The following FRMPD4 variants were observed in gnomAD, a reference collection of about 807,000 sequenced individuals.
The protein encoded by FRMPD4 is FERM and PDZ domain-containing protein 4.
Under a neutral mutation model 94.1 loss-of-function variants are expected in FRMPD4, and 22 were observed. The observed-to-expected ratio is 0.23, with a 90% CI of 0.17 to 0.33. The LOEUF is 0.33. Ranked by LOEUF, FRMPD4 falls within the 10% of genes least tolerant of loss-of-function variation. The pLI is 1.00. For missense variants in FRMPD4, 1,111 were observed against 1,339.9 expected (o/e 0.83, Z 2.67); for synonymous variants, 631 against 548.6 (o/e 1.15, Z -2.10).
At chrX:11,962,507 A>G (rs188716070) in intron 3 of FRMPD4, among the ~76,000 whole-genome samples, 3 of 111,994 alleles carry the variant, frequency 2.7e-5, no homozygotes, top group African/African-American at 6.5e-5. Context: ...AGAGAAACGC[A>G]TGCATTCAAA....
intron 3 of FRMPD4, among the ~76,000 whole-genome samples, chrX:12,043,984 A>C (rs1347013931): frequency 9.0e-6 from 1 of 111,586 alleles, no homozygotes; most frequent in African/African-American, 3.3e-5. Context: ...TTATATAACT[A>C]ACAGGAAAAT....
intron 1 of FRMPD4, among the ~76,000 whole-genome samples, chrX:11,836,513 G>A: frequency 8.9e-6 from 1 of 111,905 alleles, no homozygotes; most frequent in East Asian, 2.8e-4. Flanking sequence ...TACTCTGAAT[G>A]TGAGGAAGTT....
intron 3 of FRMPD4, among the ~76,000 whole-genome samples, chrX:11,879,286 G>A (rs761610870): frequency 9.8e-4 from 109 of 111,561 alleles, no homozygotes; most frequent in Non-Finnish European, 1.6e-3. Context: ...TGAAATGATT[G>A]AATGTTTGGG....
chrX:12,598,059 T>TAAGTA (rs3066499), intron 2 of FRMPD4, among the ~76,000 whole-genome samples: 13,828 of 111,797 alleles, frequency 0.12, 915 homozygotes, highest in African/African-American at 0.24. Context: ...GGTGTATATA[T>TAAGTA]TAGTTGGTAT....
chrX:12,097,310 G>A (rs1011685661), intron 3 of FRMPD4, among the ~76,000 whole-genome samples: 1 of 111,992 alleles, frequency 8.9e-6, no homozygotes, highest in South Asian at 3.8e-4. Context: ...GCCAGTGAAA[G>A]TTCACAGATT....
intron 1 of FRMPD4, among the ~76,000 whole-genome samples, chrX:12,241,857 C>T (rs1396979746): frequency 9.2e-6 from 1 of 108,547 alleles, no homozygotes; most frequent in Non-Finnish European, 1.9e-5. Context: ...GCTATGATCG[C>T]ACCACTGCAC....
chrX:12,518,838 C>G (rs2058131277), intron 2 of FRMPD4, among the ~76,000 whole-genome samples: 1 of 112,257 alleles, frequency 8.9e-6, no homozygotes, highest in South Asian at 3.7e-4. Flanking sequence ...CACACACACA[C>G]ACACACACAA....
chrX:12,033,982 C>T (rs2054706530), intron 3 of FRMPD4, among the ~76,000 whole-genome samples: 1 of 112,803 alleles, frequency 8.9e-6, no homozygotes, highest in East Asian at 2.8e-4. Context: ...CAGGCGTAAG[C>T]CACGGCGCCT....
At chrX:12,315,580 G>A (rs1046278024) in intron 1 of FRMPD4, among the ~76,000 whole-genome samples, 6 of 111,645 alleles carry the variant, frequency 5.4e-5, no homozygotes, top group African/African-American at 1.6e-4. Flanking sequence ...AAGGAGAAAC[G>A]TGGATAAAAA....
chrX:12,628,668 C>G (rs1014775094), intron 4 of FRMPD4, among the ~76,000 whole-genome samples: 1 of 112,753 alleles, frequency 8.9e-6, no homozygotes, highest in Non-Finnish European at 1.9e-5. Flanking sequence ...TCTGAAAAGA[C>G]AGGGAGCATG....
intron 1 of FRMPD4, among the ~76,000 whole-genome samples, chrX:12,249,965 G>A (rs986975036): frequency 1.8e-5 from 2 of 109,507 alleles, no homozygotes; most frequent in Non-Finnish European, 3.8e-5. Context: ...ATTTTTATTG[G>A]ACAGACTATA....
intron 3 of FRMPD4, among the ~76,000 whole-genome samples, chrX:11,966,115 A>G (rs1256207699): frequency 9.0e-6 from 1 of 111,315 alleles, no homozygotes; most frequent in African/African-American, 3.3e-5. Context: ...TACAAAGGCT[A>G]GAATTAATTG....
intron 2 of FRMPD4, among the ~76,000 whole-genome samples, chrX:12,538,413 G>A (rs2058365901): frequency 9.0e-6 from 1 of 111,716 alleles, no homozygotes; most frequent in Admixed American, 9.5e-5. Flanking sequence ...GGCATAGCTG[G>A]ACAAAAGGCA....
At chrX:11,965,805 C>T (rs745661619) in intron 3 of FRMPD4, among the ~76,000 whole-genome samples, 1 of 111,920 alleles carries the variant, frequency 8.9e-6, no homozygotes, top group African/African-American at 3.2e-5. Context: ...TAGCTATTTC[C>T]ACCCCAGTAT....
intron 3 of FRMPD4, among the ~76,000 whole-genome samples, chrX:12,002,910 A>C (rs1023118593): frequency 6.3e-5 from 7 of 111,548 alleles, no homozygotes; most frequent in African/African-American, 2.3e-4. Context: ...AAACTTCAGT[A>C]ATCCCACTAA....
chrX:12,508,462 C>T (rs2058008320), intron 2 of FRMPD4, among the ~76,000 whole-genome samples: 1 of 112,327 alleles, frequency 8.9e-6, no homozygotes, highest in African/African-American at 3.2e-5. Context: ...AGGAGACCAA[C>T]AAAAATCAGT....
chrX:11,836,110 G>A (rs7066415), intron 1 of FRMPD4, among the ~76,000 whole-genome samples: 13,906 of 110,431 alleles, frequency 0.13, 1,103 homozygotes, highest in African/African-American at 0.28. Context: ...TAGGAAACCT[G>A]TGCATGGATT....
chrX:11,865,529 A>C (rs1353000017), intron 2 of FRMPD4, among the ~76,000 whole-genome samples: 2 of 112,043 alleles, frequency 1.8e-5, no homozygotes, highest in Non-Finnish European at 3.8e-5. Context: ...CCTAGTGCTA[A>C]AGTGCATTCC....
intron 4 of FRMPD4, among the ~76,000 whole-genome samples, chrX:12,644,165 G>A (rs1001662942): frequency 9.0e-6 from 1 of 110,819 alleles, no homozygotes; most frequent in East Asian, 2.8e-4. Flanking sequence ...CAACTCCTGA[G>A]CTGAAGTGAT....
Sources: gnomAD v4.1 joint callset for allele counts (sites outside exome capture counted in the v4.1 genomes callset) on GRCh38, gnomAD v4.1.1 for gene constraint, MANE v1.5 for transcripts, NCBI Gene and HGNC (gene_info 2026-07-23, HGNC 2026-07-21) for gene names.